PATJ: variants seen among roughly 807,000 people sequenced by gnomAD.
PATJ encodes the protein PATJ crumbs cell polarity complex component.
A neutral mutation model predicts 224.9 loss-of-function variants in PATJ; 190 were observed. That is an observed-to-expected ratio of 0.84 (90% CI 0.75 to 0.95). The LOEUF is 0.95. PATJ is among the 40% of genes least tolerant of loss of function. The pLI, the probability that PATJ is intolerant of heterozygous loss-of-function variation, is 0.00. For synonymous variants in PATJ, 769 were observed against 820.3 expected (o/e 0.94, Z 1.07); for missense variants, 2,121 against 2,270.3 (o/e 0.93, Z 1.34).
rs1664480507 is a variant in PATJ, at chr1:62,116,691, G to A, written c.4803+12G>A. On this transcript the variant is annotated intron_variant, in intron 36 of 43. Transcript: ENST00000642238. Reference sequence around the variant, plus strand: ...CCACCATCCTCAAGGTGAGTTGCTAGGCTGCTTTTTACCCAGCTGGCACAA... The same window carrying A: ...CCACCATCCTCAAGGTGAGTTGCTAAGCTGCTTTTTACCCAGCTGGCACAA... 6.3e-7 allele frequency: 1 copy of A among 1,598,314 alleles called. No homozygotes were observed. Among genetic ancestry groups the A allele is most frequent in the Non-Finnish European group, 8.5e-7 (1 of 1,172,214 alleles).
intron 8 of PATJ, 65 bp from the exon 9 acceptor site, chr1:61,791,283 G>A (rs1454712323): frequency 2.1e-6 from 2 of 932,158 alleles, no homozygotes; most frequent in African/African-American, 1.6e-5. Context: ...ACCTTGCACA[G>A]ATTGACTATG....
chr1:61,924,205 C>G (rs1674775411), intron 26 of PATJ, among the ~76,000 whole-genome samples: 1 of 151,538 alleles, frequency 6.6e-6, no homozygotes, highest in Admixed American at 6.6e-5. Flanking sequence ...CCGTCTCTTC[C>G]AAAAATACAA....
intron 14 of PATJ, among the ~76,000 whole-genome samples, chr1:61,810,509 C>A (rs34202517): frequency 6.6e-6 from 1 of 151,612 alleles, no homozygotes; most frequent in Non-Finnish European, 1.5e-5. Flanking sequence ...CCAGCCTGGC[C>A]AACATAGTGA....
chr1:61,959,442 T>TC (rs2149416956), intron 27 of PATJ, among the ~76,000 whole-genome samples: 1 of 141,336 alleles, frequency 7.1e-6, no homozygotes, highest in South Asian at 2.2e-4. Flanking sequence ...TTCTTTTCTT[T>TC]TTTTTTTTTT....
At chr1:61,901,564 A>G (rs1045308405) in intron 24 of PATJ, 105 bp downstream of exon 24, 11 of 749,870 alleles carry the variant, frequency 1.5e-5, no homozygotes, top group Non-Finnish European at 1.9e-5. Context: ...CCGTGTGTGT[A>G]CAGTTGGTGT....
chr1:61,985,634 T>C (rs1208748371), intron 27 of PATJ, among the ~76,000 whole-genome samples: 1 of 152,030 alleles, frequency 6.6e-6, no homozygotes, highest in Admixed American at 6.5e-5. Flanking sequence ...GGTCTCCATA[T>C]CACAGGACAA....
chr1:61,866,825 TAGAG>T (rs1430199554), intron 20 of PATJ, among the ~76,000 whole-genome samples: 13 of 152,356 alleles, frequency 8.5e-5, no homozygotes, highest in African/African-American at 3.1e-4. Context: ...ACTCCATAGA[TAGAG>T]CAGTCCTGAG....
intron 18 of PATJ, among the ~76,000 whole-genome samples, chr1:61,859,577 C>T (rs2148926980): frequency 6.6e-6 from 1 of 151,914 alleles, no homozygotes; most frequent in East Asian, 1.9e-4. Context: ...CTCTCTCTCT[C>T]ATAGTAAAAT....
intron 27 of PATJ, among the ~76,000 whole-genome samples, chr1:61,946,405 A>T (rs549759454): frequency 1.3e-5 from 2 of 152,332 alleles, no homozygotes; most frequent in South Asian, 4.1e-4. Context: ...ATCCCACAGA[A>T]ATAGAAACTA....
intron 14 of PATJ, among the ~76,000 whole-genome samples, chr1:61,819,604 C>A (rs753356283): frequency 7.1e-6 from 1 of 141,688 alleles, no homozygotes; most frequent in Admixed American, 6.9e-5. Context: ...CAGCGTGGGG[C>A]GGCAGGCGGC....
chr1:62,153,048 AAG>A (rs143371115), intron 42 of PATJ, among the ~76,000 whole-genome samples: 29,211 of 151,958 alleles, frequency 0.19, 4,477 homozygotes, highest in East Asian at 0.64. Context: ...AGAAAAAAAA[AAG>A]AGTTAAAAAC....
intron 27 of PATJ, chr1:61,952,532 TTAAG>T (rs1320886533): frequency 1.9e-5 from 13 of 683,158 alleles, no homozygotes; most frequent in Middle Eastern, 2.3e-4. Context: ...GGCATTTTTC[TTAAG>T]TAAGAGAGCG....
At chr1:62,062,227 C>A (rs147903437) in intron 31 of PATJ, among the ~76,000 whole-genome samples, 1,692 of 151,846 alleles carry the variant, frequency 0.011, 14 homozygotes, top group Middle Eastern at 0.044. Flanking sequence ...TATAAGAGTT[C>A]TTTTGTCTCC....
intron 34 of PATJ, among the ~76,000 whole-genome samples, chr1:62,109,502 GA>G (rs1337523090): frequency 1.3e-5 from 2 of 152,170 alleles, no homozygotes; most frequent in Non-Finnish European, 2.9e-5. Flanking sequence ...ATTGGATTAA[GA>G]CATATTCCCA....
At chr1:61,849,612 CTA>C (rs149704632) in intron 17 of PATJ, among the ~76,000 whole-genome samples, 15,099 of 152,076 alleles carry the variant, frequency 0.099, 945 homozygotes, top group Non-Finnish European at 0.15. Context: ...AAAAGAGACT[CTA>C]TGAGTTAACC....
At chr1:62,107,163 G>A (rs559707370) in intron 33 of PATJ, among the ~76,000 whole-genome samples, 155 of 152,028 alleles carry the variant, frequency 1.0e-3, no homozygotes, top group African/African-American at 3.5e-3. Context: ...AAAATTAGCC[G>A]GACGTGGTGG....
At chr1:61,888,126 G>A (rs1669132621) in intron 22 of PATJ, among the ~76,000 whole-genome samples, 1 of 152,216 alleles carries the variant, frequency 6.6e-6, no homozygotes, top group Non-Finnish European at 1.5e-5. Context: ...GGAGAGTGCT[G>A]CCAGGCCCGG....
In PATJ at chr1:62,042,970, A is replaced by G. The variant is rs1049290187; in HGVS notation, c.4032+4921A>G. ...TGTCACTGAGCTCTTATTATGTGTC[A>G]ATGTTCTAGACCCGAAGGGTATCGC... On this transcript the variant is annotated intron_variant, in intron 30 of 43. Transcript: ENST00000642238. 2.0e-5 allele frequency among the ~76,000 whole-genome samples: 3 copies of G among 152,168 alleles called. No homozygotes were observed. In the South Asian group the frequency reaches 6.2e-4, roughly 32 times the overall value.
At chr1:62,050,120 C>CAAA (rs35986021) in intron 30 of PATJ, among the ~76,000 whole-genome samples, 14,722 of 94,824 alleles carry the variant, frequency 0.16, 1,026 homozygotes, top group South Asian at 0.28. Context: ...TCTGCCCCAC[C>CAAA]AAAAAAAAAA....
Sources: gnomAD v4.1 joint callset for allele counts (sites outside exome capture counted in the v4.1 genomes callset) on GRCh38, gnomAD v4.1.1 for gene constraint, MANE v1.5 for transcripts, NCBI Gene and HGNC (gene_info 2026-07-23, HGNC 2026-07-21) for gene names.